Variants in CDX1 observed in about 807,000 individuals in gnomAD.
The protein encoded by CDX1 is homeobox protein CDX-1.
Under a neutral mutation model 16.9 loss-of-function variants are expected in CDX1, and 9 were observed. That is an observed-to-expected ratio of 0.53 (90% CI 0.32 to 0.93). The LOEUF (loss-of-function observed/expected upper bound fraction) is 0.93. Among genes scored for constraint, CDX1 ranks in the 40% least tolerant of loss-of-function variants. CDX1 has a pLI of 0.04. For synonymous variants in CDX1, 179 were observed against 179.0 expected (o/e 1.00, Z 0.00); for missense variants, 393 against 386.1 (o/e 1.02, Z -0.15).
intron 1 of CDX1, among the ~76,000 whole-genome samples, chr5:150,181,517 T>C (rs1192647205): frequency 6.6e-6 from 1 of 152,106 alleles, no homozygotes; most frequent in Non-Finnish European, 1.5e-5. Flanking sequence ...CCTCACGTGA[T>C]CCACCTCCCT....
intron 1 of CDX1, among the ~76,000 whole-genome samples, chr5:150,174,309 C>T (rs1268665668): frequency 6.6e-6 from 1 of 152,276 alleles, no homozygotes; most frequent in African/African-American, 2.4e-5. Flanking sequence ...AGAGAGGCCT[C>T]AAGTTCTTCG....
rs1761441472 is a variant in CDX1, at chr5:150,167,312, G to A, written c.436G>A (p.Gly146Ser). The stretch of plus-strand genomic sequence containing the variant: ...GCGCAGCGTGGCGGCCGGAGGCGGC[G>A]GTGGCAGCGGTAAGGACCCTTCCCT... The part of the protein sequence containing the change: ...MRRSVAAGGG[G>S]GSGKTRTKDK... The change falls in exon 1 of 3, where the codon GGT becomes AGT. Residue 146 changes from glycine (G) to serine (S), a missense_variant. By Grantham distance (56) the Gly-to-Ser change is moderately conservative (BLOSUM62 0). Transcript: ENST00000231656. 7.9e-7 allele frequency: 1 copy of A among 1,263,392 alleles called. No homozygotes were observed. The highest frequency in any genetic ancestry group is 9.9e-7 in the Non-Finnish European group (1 of 1,010,096). The allele number at this position is 1,263,392 out of a possible 1,614,324, so 78.3% of individuals were successfully genotyped here.
rs372009949 is a variant in CDX1 at position 150,183,509 on chromosome 5, G to T, written c.627G>T (p.Glu209Asp). 1.1e-3 allele frequency: 1,727 copies of T among 1,611,382 alleles called. 24 individuals carry two copies. In the South Asian group the frequency reaches 0.018, roughly 16 times the overall value. Residue 209 changes from glutamate to aspartate, a missense_variant, in exon 3 of 3, where the codon GAG (glutamate) becomes GAT (aspartate). Physicochemically the swap from Glu to Asp is conservative, Grantham distance 45. Transcript: ENST00000231656. ...GGTTCCAAAACCGGCGGGCAAAGGAGCGCAAAGTGAACAAGAAGAAACAGC... is the reference window on the plus strand; with the variant it reads ...GGTTCCAAAACCGGCGGGCAAAGGATCGCAAAGTGAACAAGAAGAAACAGC... ...KIWFQNRRAK[E>D]RKVNKKKQQQ...
In CDX1 at chr5:150,179,856, G is replaced by A. The variant is rs115156039; in HGVS notation, c.446-2912G>A. Among the ~76,000 whole-genome samples, 850 of 152,338 alleles carry A rather than the reference G, an allele frequency of 5.6e-3. 7 individuals are homozygous for A. The highest frequency in any genetic ancestry group is 0.019 in the African/African-American group (810 of 41,586). ...TTTAAGCTTCTGTTACCAACACTTT[G>A]GGGGCTCCATGGCAGGCTCAGTGGG... On this transcript the variant is annotated intron_variant, in intron 1 of 2. Coordinates refer to ENST00000231656, the MANE Select transcript of CDX1 (RefSeq NM_001804.3).
Position 150,167,256 on chromosome 5 carries a change from C to G in CDX1, c.380C>G (p.Ala127Gly). 9 of 1,267,194 alleles carry G rather than the reference C, an allele frequency of 7.1e-6. No individual in the cohort carries two copies. The highest frequency in any genetic ancestry group is 8.9e-6 in the Non-Finnish European group (9 of 1,012,724). 78.5% of individuals were successfully genotyped at this position (1,267,194 alleles called of 1,614,324 possible). Residue 127 changes from alanine to glycine, a missense_variant, in exon 1 of 3, where the codon GCG becomes GGG. By Grantham distance (60) the Ala-to-Gly change is moderately conservative (BLOSUM62 0). Coordinates refer to ENST00000231656, the MANE Select transcript of CDX1 (RefSeq NM_001804.3). ...GGPGTPSSPGAQRPTPYEWMR... is the reference protein window; with the variant it reads ...GGPGTPSSPGGQRPTPYEWMR... ...CCGGGCACACCGTCCTCGCCCGGAGCGCAGAGGCCGACGCCCTACGAGTGG... is the reference window on the plus strand; with the variant it reads ...CCGGGCACACCGTCCTCGCCCGGAGGGCAGAGGCCGACGCCCTACGAGTGG...
chr5:150,174,307 C>G (rs1359107242), intron 1 of CDX1, among the ~76,000 whole-genome samples: 2 of 152,248 alleles, frequency 1.3e-5, no homozygotes, highest in Non-Finnish European at 2.9e-5. Flanking sequence ...TCAGAGAGGC[C>G]TCAAGTTCTT....
At chr5:150,183,391 C>T (rs1401113472) in intron 2 of CDX1, 83 bp from the exon 3 acceptor site, 1 of 1,233,914 alleles carries the variant, frequency 8.1e-7, no homozygotes, top group Non-Finnish European at 1.1e-6. Flanking sequence ...AATAGGGGCT[C>T]ACTGTCCTCG....
chr5:150,172,392 G>A (rs1183016244), intron 1 of CDX1, among the ~76,000 whole-genome samples: 7 of 152,054 alleles, frequency 4.6e-5, no homozygotes, highest in African/African-American at 1.7e-4. Flanking sequence ...TCTCACTTAA[G>A]TCTCATGATA....
chr5:150,167,111 G>C lies in CDX1; in HGVS notation c.235G>C (p.Gly79Arg). ...KDDWAAAYGP[G>R]PAAPAASPAS... Reference sequence around the variant, plus strand: ...CGACTGGGCCGCCGCCTACGGCCCGGGCCCCGCGGCCCCTGCCGCCAGCCC... The same window carrying C: ...CGACTGGGCCGCCGCCTACGGCCCGCGCCCCGCGGCCCCTGCCGCCAGCCC... Residue 79 changes from glycine to arginine, a missense_variant, in exon 1 of 3, where the codon GGC becomes CGC. Physicochemically the swap from Gly to Arg is moderately radical, Grantham distance 125. Coordinates refer to ENST00000231656, the MANE Select transcript of CDX1 (RefSeq NM_001804.3). 1 of 1,340,482 alleles carries C rather than the reference G, an allele frequency of 7.5e-7. No individual in the cohort carries two copies. 83.0% of individuals were successfully genotyped at this position (1,340,482 alleles called of 1,614,324 possible).
chr5:150,175,397 G>C (rs1474101001), intron 1 of CDX1, among the ~76,000 whole-genome samples: 6 of 152,216 alleles, frequency 3.9e-5, no homozygotes, highest in African/African-American at 1.4e-4. Flanking sequence ...TAGGGCAGCA[G>C]ATGATGCAAA....
chr5:150,172,145 C>T (rs1761515842), intron 1 of CDX1, among the ~76,000 whole-genome samples: 1 of 152,232 alleles, frequency 6.6e-6, no homozygotes, highest in Admixed American at 6.5e-5. Flanking sequence ...CTGATTCCTC[C>T]TCCCAAGCAC....
At chr5:150,172,337 C>A (rs796785477) in intron 1 of CDX1, among the ~76,000 whole-genome samples, 47 of 152,298 alleles carry the variant, frequency 3.1e-4, no homozygotes, top group African/African-American at 1.1e-3. Context: ...TTGGCTAAAT[C>A]TTTACTGTGT....
chr5:150,174,456 C>G (rs946927234), intron 1 of CDX1, among the ~76,000 whole-genome samples: 1 of 152,226 alleles, frequency 6.6e-6, no homozygotes, highest in African/African-American at 2.4e-5. Context: ...TGCTTTGCAG[C>G]TAGTAGGCGT....
Position 150,178,453 on chromosome 5 carries a change from T to G in CDX1, c.446-4315T>G, listed in dbSNP as rs978105438. Among the ~76,000 whole-genome samples, 15 of 152,214 alleles carry G rather than the reference T, an allele frequency of 9.9e-5. 3 individuals carry two copies. Among genetic ancestry groups the G allele is most frequent in the Admixed American group, 8.5e-4 (13 of 15,296 alleles). ...AGACACCTGTTATAGGAGCCTGGAC[T>G]TCCCCCTTAGCTCCAGCGTCCCAGG... On this transcript the variant is annotated intron_variant, in intron 1 of 2. Transcript: ENST00000231656.
rs115266109 is a variant in CDX1, at chr5:150,178,042, T to C, written c.446-4726T>C. Among the ~76,000 whole-genome samples the C allele has an allele frequency of 3.0e-3, 456 of 152,304 alleles. 4 individuals carry two copies. Among genetic ancestry groups the C allele is most frequent in the African/African-American group, 0.011 (443 of 41,576 alleles). On this transcript the variant is annotated intron_variant, in intron 1 of 2. Transcript: ENST00000231656. ...CACACGTTAGGGTCACCTGGAAAAC[T>C]ATTCAAGTACCAAATTTTGAGACCC... is the stretch of plus-strand genomic sequence containing the variant.
At chr5:150,178,536 C>G (rs991302430) in intron 1 of CDX1, among the ~76,000 whole-genome samples, 8 of 152,318 alleles carry the variant, frequency 5.3e-5, no homozygotes, top group African/African-American at 1.9e-4. Flanking sequence ...CACACACCTC[C>G]CTGCCCGCTC....
chr5:150,181,804 C>T (rs1010671284), intron 1 of CDX1, among the ~76,000 whole-genome samples: 39 of 152,164 alleles, frequency 2.6e-4, no homozygotes, highest in South Asian at 1.0e-3. Context: ...CTAAGCATCA[C>T]GAGGGCAGGG....
intron 1 of CDX1, among the ~76,000 whole-genome samples, chr5:150,179,581 G>A (rs975317086): frequency 3.3e-5 from 5 of 152,146 alleles, no homozygotes; most frequent in Non-Finnish European, 7.3e-5. Flanking sequence ...GGGCTTGCTC[G>A]TCAGAAGAGG....
At chr5:150,175,958 C>A (rs1761564589) in intron 1 of CDX1, among the ~76,000 whole-genome samples, 1 of 152,224 alleles carries the variant, frequency 6.6e-6, no homozygotes, top group African/African-American at 2.4e-5. Context: ...GCTCTCACAG[C>A]CATTCTGTTC....
Sources: gnomAD v4.1 joint callset for allele counts (sites outside exome capture counted in the v4.1 genomes callset) on GRCh38, gnomAD v4.1.1 for gene constraint, MANE v1.5 for transcripts, NCBI Gene and HGNC (gene_info 2026-07-23, HGNC 2026-07-21) for gene names.